The following DAAM1 variants were observed in gnomAD, a reference collection of about 807,000 sequenced individuals.
The protein encoded by DAAM1 is disheveled-associated activator of morphogenesis 1.
A neutral mutation model predicts 130.0 loss-of-function variants in DAAM1; 52 were observed. The ratio of observed to expected loss-of-function variants is 0.40; its 90% CI spans 0.32 to 0.50. The LOEUF (loss-of-function observed/expected upper bound fraction) is 0.50, where lower values mean the gene tolerates loss of function less well. Among genes scored for constraint, DAAM1 ranks in the 20% least tolerant of loss-of-function variants. DAAM1 has a pLI of 0.61. For missense variants in DAAM1, 1,134 were observed against 1,303.8 expected (o/e 0.87, Z 2.01); for synonymous variants, 452 against 444.5 (o/e 1.02, Z -0.21).
At chr14:59,284,616 G>A (rs779385110) in intron 2 of DAAM1, among the ~76,000 whole-genome samples, 2 of 151,994 alleles carry the variant, frequency 1.3e-5, no homozygotes, top group Non-Finnish European at 2.9e-5. Context: ...CCATTTTTAA[G>A]AAAGAACCAA....
At chr14:59,287,211 C>G (rs1287405478) in intron 2 of DAAM1, among the ~76,000 whole-genome samples, 3 of 152,096 alleles carry the variant, frequency 2.0e-5, no homozygotes, top group South Asian at 4.2e-4. Flanking sequence ...GCAGAAGAGG[C>G]CTTTGATAAA....
chr14:59,331,704 G>A, intron 14 of DAAM1, 109 bp from the exon 15 acceptor site: 8 of 1,494,608 alleles, frequency 5.4e-6, no homozygotes, highest in East Asian at 2.3e-5. Context: ...GTCACTTTGA[G>A]TGTCTGGTAG....
At chr14:59,326,104 T>C in intron 10 of DAAM1, 27 bp downstream of exon 10, 1 of 1,594,768 alleles carries the variant, frequency 6.3e-7, no homozygotes, top group East Asian at 2.2e-5. Flanking sequence ...CTCACATGTG[T>C]GCTTCTGAAT....
intron 2 of DAAM1, among the ~76,000 whole-genome samples, chr14:59,286,390 A>G (rs1883454116): frequency 6.6e-6 from 1 of 152,104 alleles, no homozygotes; most frequent in South Asian, 2.1e-4. Context: ...GAGCAAGTCA[A>G]CTCCAAAGCT....
chr14:59,330,765 A>C (rs1177760069), intron 13 of DAAM1, 77 bp downstream of exon 13: 1 of 1,378,764 alleles, frequency 7.3e-7, no homozygotes, highest in Non-Finnish European at 9.8e-7. Flanking sequence ...TAAGTAGAGA[A>C]CTTCATACTG....
chr14:59,347,748 C>T (rs1886138348), intron 17 of DAAM1, 125 bp downstream of exon 17: 1 of 865,878 alleles, frequency 1.2e-6, no homozygotes, highest in African/African-American at 1.7e-5. Context: ...GAGGCTGAAC[C>T]AAGTTCCCAT....
At chr14:59,283,634 G>A (rs1222665317) in intron 2 of DAAM1, among the ~76,000 whole-genome samples, 3 of 152,146 alleles carry the variant, frequency 2.0e-5, no homozygotes, top group Non-Finnish European at 4.4e-5. Flanking sequence ...TGCATGCTTA[G>A]TTGATTTGCC....
At chr14:59,213,997 A>G (rs1449301533) in intron 1 of DAAM1, among the ~76,000 whole-genome samples, 1 of 152,220 alleles carries the variant, frequency 6.6e-6, no homozygotes, top group Non-Finnish European at 1.5e-5. Context: ...ACTTGCTACC[A>G]AGATATCAGG....
chr14:59,291,356 C>T, intron 3 of DAAM1, 50 bp downstream of exon 3: 3 of 1,419,230 alleles, frequency 2.1e-6, no homozygotes, highest in South Asian at 2.5e-5. Flanking sequence ...TCATTGATTC[C>T]ATTTGCTCTT....
At chr14:59,368,093 G>A (rs1381415722) in intron 24 of DAAM1, among the ~76,000 whole-genome samples, 2 of 151,952 alleles carry the variant, frequency 1.3e-5, no homozygotes, top group Non-Finnish European at 2.9e-5. Context: ...AATAATAGTG[G>A]TGTGATAAAC....
chr14:59,284,965 A>G (rs142556479), intron 2 of DAAM1, among the ~76,000 whole-genome samples: 1,808 of 152,196 alleles, frequency 0.012, 30 homozygotes, highest in Non-Finnish European at 0.014. Context: ...GAGAACTCCT[A>G]TGAGAAACTA....
chr14:59,214,732 A>G (rs75841771), intron 1 of DAAM1, among the ~76,000 whole-genome samples: 7 of 151,384 alleles, frequency 4.6e-5, no homozygotes, highest in Admixed American at 1.3e-4. Context: ...GATATACCAC[A>G]TTTTTTTTTA....
chr14:59,211,762 A>G (rs185150423), intron 1 of DAAM1, among the ~76,000 whole-genome samples: 7 of 152,286 alleles, frequency 4.6e-5, no homozygotes, highest in Admixed American at 6.5e-5. Context: ...TTAATTTTCT[A>G]TATTTCTTGA....
intron 1 of DAAM1, among the ~76,000 whole-genome samples, chr14:59,243,653 A>T (rs566146904): frequency 6.6e-6 from 1 of 152,336 alleles, no homozygotes; most frequent in East Asian, 1.9e-4. Flanking sequence ...TTTCTGCACA[A>T]CAGCCTGGAG....
intron 1 of DAAM1, among the ~76,000 whole-genome samples, chr14:59,214,230 A>G (rs1323817987): frequency 6.6e-6 from 1 of 152,212 alleles, no homozygotes; most frequent in Non-Finnish European, 1.5e-5. Flanking sequence ...TGTGCCTGGC[A>G]TGAGAAACCT....
chr14:59,274,582 A>G (rs776625775), intron 2 of DAAM1, among the ~76,000 whole-genome samples: 102 of 152,192 alleles, frequency 6.7e-4, no homozygotes, highest in Non-Finnish European at 8.7e-4. Flanking sequence ...TAGGTGCTCA[A>G]TGAATGTTTG....
At chr14:59,361,725 A>C (rs1255289559) in intron 22 of DAAM1, among the ~76,000 whole-genome samples, 1 of 152,174 alleles carries the variant, frequency 6.6e-6, no homozygotes, top group Non-Finnish European at 1.5e-5. Context: ...GGCAGGGATG[A>C]GAACAGGCTG....
chr14:59,368,266 T>C (rs778072397), intron 24 of DAAM1, among the ~76,000 whole-genome samples: 58 of 152,134 alleles, frequency 3.8e-4, no homozygotes, highest in Admixed American at 2.6e-4. Context: ...AGCTAAGCCT[T>C]TGATATAAGG....
intron 3 of DAAM1, among the ~76,000 whole-genome samples, chr14:59,312,793 C>T (rs1023989115): frequency 6.6e-6 from 1 of 152,060 alleles, no homozygotes; most frequent in Non-Finnish European, 1.5e-5. Context: ...TTTAAAAAAA[C>T]AAAAGTCAGT....
Sources: gnomAD v4.1 joint callset for allele counts (sites outside exome capture counted in the v4.1 genomes callset) on GRCh38, gnomAD v4.1.1 for gene constraint, MANE v1.5 for transcripts, NCBI Gene and HGNC (gene_info 2026-07-23, HGNC 2026-07-21) for gene names.